TTC6: variants seen among roughly 807,000 people sequenced by gnomAD.
TTC6 encodes tetratricopeptide repeat domain 6, also known as tetratricopeptide repeat protein 6.
In TTC6, 172 loss-of-function variants were observed where a neutral mutation model predicts 210.4. The ratio of observed to expected loss-of-function variants is 0.82; its 90% CI spans 0.72 to 0.93. TTC6 has a LOEUF of 0.93. TTC6 is among the 40% of genes least tolerant of loss of function. The pLI is 0.00. For missense variants in TTC6, 2,414 were observed against 2,318.1 expected (o/e 1.04, Z -0.85); for synonymous variants, 804 against 819.6 (o/e 0.98, Z 0.32).
intron 24 of TTC6, 82 bp from the exon 27 acceptor site, chr14:37,812,232 T>C: frequency 7.0e-7 from 1 of 1,429,204 alleles, no homozygotes; most frequent in Non-Finnish European, 9.5e-7. Context: ...TGGGTCCTAG[T>C]TTGGACATAA....
intron 1 of TTC6, among the ~76,000 whole-genome samples, chr14:37,642,334 A>G (rs965932770): frequency 2.0e-5 from 3 of 152,202 alleles, no homozygotes; most frequent in South Asian, 4.1e-4. Context: ...TTTTGTCATC[A>G]GAGTGAAAGG....
rs1424433867 is a variant in TTC6, at chr14:37,738,762, G to A, written c.1984-14G>A. The A allele has an allele frequency of 6.9e-7, 1 of 1,442,524 alleles. No homozygotes were observed. The highest frequency in any genetic ancestry group is 9.1e-7 in the Non-Finnish European group (1 of 1,104,384). 89.4% of individuals were successfully genotyped at this position (1,442,524 alleles called of 1,614,324 possible). A position where few individuals can be genotyped will look rare whatever the true frequency, so the allele number is the denominator to read the frequency against. On this transcript the variant is annotated splice_polypyrimidine_tract_variant and intron_variant, in intron 9 of 30. Transcript: ENST00000553443. ...GATTTTACGTTTTTTCTACCTCTTT[G>A]CTTGCTTACTAAGCGAGTAAAATCT...
At chr14:37,672,725 A>G (rs955805119) in intron 1 of TTC6, among the ~76,000 whole-genome samples, 1 of 152,120 alleles carries the variant, frequency 6.6e-6, no homozygotes, top group African/African-American at 2.4e-5. Context: ...GCATTGCCCA[A>G]CCATAGGCAT....
intron 1 of TTC6, among the ~76,000 whole-genome samples, chr14:37,601,549 T>C (rs1278543790): frequency 1.3e-5 from 2 of 152,066 alleles, no homozygotes; most frequent in Admixed American, 6.5e-5. Flanking sequence ...CTAGGTGCAC[T>C]AGGAAAACAA....
chr14:37,623,131 C>A, intron 1 of TTC6, 128 bp downstream of exon 3: 1 of 640,278 alleles, frequency 1.6e-6, no homozygotes, highest in Non-Finnish European at 2.4e-6. Flanking sequence ...CACAAAAACA[C>A]TGGGGTGTTA....
exon 28 of TTC6, chr14:37,826,241 T>A (rs746600797): frequency 2.4e-5 from 38 of 1,611,320 alleles, no homozygotes; most frequent in Non-Finnish European, 3.1e-5. Context: ...ACCATTGCCA[T>A]AGATACTGAT....
intron 24 of TTC6, among the ~76,000 whole-genome samples, chr14:37,810,270 A>C (rs1314958135): frequency 1.3e-5 from 2 of 152,226 alleles, no homozygotes; most frequent in African/African-American, 4.8e-5. Flanking sequence ...CCCCAACCCC[A>C]TTCCTGCCGG....
intron 15 of TTC6, among the ~76,000 whole-genome samples, chr14:37,788,220 C>T (rs2096072273): frequency 6.6e-6 from 1 of 152,140 alleles, no homozygotes; most frequent in Non-Finnish European, 1.5e-5. Flanking sequence ...CTGGTTTATG[C>T]ATGTGCCCAG....
exon 1 of TTC6, chr14:37,622,214 A>C (rs2095652206): frequency 6.5e-7 from 1 of 1,535,578 alleles, no homozygotes; most frequent in Non-Finnish European, 8.7e-7. Context: ...ATGAAAGCCC[A>C]GTCCACAGCC....
At chr14:37,791,904 G>T (rs1277213660) in intron 16 of TTC6, among the ~76,000 whole-genome samples, 1 of 152,076 alleles carries the variant, frequency 6.6e-6, no homozygotes, top group African/African-American at 2.4e-5. Flanking sequence ...ACTGTCACTC[G>T]TGGCCAATAG....
intron 1 of TTC6, among the ~76,000 whole-genome samples, chr14:37,635,664 G>A (rs1374491017): frequency 1.3e-5 from 2 of 152,118 alleles, no homozygotes; most frequent in Non-Finnish European, 2.9e-5. Flanking sequence ...ACCAGATAAG[G>A]TAGACTTCAG....
intron 2 of TTC6, among the ~76,000 whole-genome samples, chr14:37,608,093 A>G (rs2095628347): frequency 6.6e-6 from 1 of 152,210 alleles, no homozygotes; most frequent in Admixed American, 6.5e-5. Context: ...TCATTAGCCA[A>G]TTGAAAATTT....
At chr14:37,781,284 G>T (rs890117718) in intron 14 of TTC6, among the ~76,000 whole-genome samples, 1 of 152,142 alleles carries the variant, frequency 6.6e-6, no homozygotes, top group Non-Finnish European at 1.5e-5. Context: ...AACCTCCCCA[G>T]CATCTGTTGT....
intron 14 of TTC6, among the ~76,000 whole-genome samples, chr14:37,773,787 T>A (rs990032983): frequency 3.9e-5 from 6 of 152,244 alleles, no homozygotes; most frequent in African/African-American, 1.4e-4. Context: ...TTTCTGATTC[T>A]GTGAAGAATC....
intron 5 of TTC6, among the ~76,000 whole-genome samples, chr14:37,712,373 C>T (rs1470687706): frequency 6.6e-6 from 1 of 152,150 alleles, no homozygotes; most frequent in Non-Finnish European, 1.5e-5. Context: ...ACTTATTGAT[C>T]CTGATGTCTG....
intron 26 of TTC6, among the ~76,000 whole-genome samples, chr14:37,818,247 G>T (rs2096146905): frequency 6.6e-6 from 1 of 151,838 alleles, no homozygotes; most frequent in South Asian, 2.1e-4. Context: ...CTTACATAAG[G>T]TTAAAATATA....
At chr14:37,701,524 T>C (rs1489224911) in exon 5 of TTC6, 1 of 1,439,360 alleles carries the variant, frequency 6.9e-7, no homozygotes, top group Admixed American at 2.9e-5. Context: ...AACAAACAGA[T>C]AGGTAAGAGT....
chr14:37,828,107 T>C (rs1278310653), intron 29 of TTC6, among the ~76,000 whole-genome samples: 3 of 152,110 alleles, frequency 2.0e-5, no homozygotes, highest in Admixed American at 2.0e-4. Context: ...ATAAGAAGAC[T>C]TGGATTTTAG....
chr14:37,745,123 T>A (rs2095932157), intron 10 of TTC6, among the ~76,000 whole-genome samples: 1 of 152,046 alleles, frequency 6.6e-6, no homozygotes, highest in African/African-American at 2.4e-5. Context: ...AAATGTAAAC[T>A]TCATCAGATT....
Sources: allele counts gnomAD v4.1 joint callset (sites outside exome capture counted in the v4.1 genomes callset), GRCh38; gene constraint gnomAD v4.1.1; transcripts MANE v1.5; gene names NCBI Gene and HGNC (gene_info 2026-07-23, HGNC 2026-07-21).